MEI1: variants seen among roughly 807,000 people sequenced by gnomAD.
The protein encoded by MEI1 is meiosis inhibitor protein 1.
Under a neutral mutation model 146.2 loss-of-function variants are expected in MEI1, and 103 were observed. The observed-to-expected ratio is 0.70, with a 90% CI of 0.60 to 0.83. MEI1 has a LOEUF of 0.83. MEI1 is among the 40% of genes least tolerant of loss of function. The pLI is 0.00. For synonymous variants in MEI1, 652 were observed against 628.2 expected, an observed-to-expected ratio of 1.04 and a Z score of -0.57; for missense variants, 1,529 against 1,533.0, an observed-to-expected ratio of 1.00 and a Z score of 0.04.
At chr22:41,703,708 G>A (rs1407275303) in intron 2 of MEI1, among the ~76,000 whole-genome samples, 1 of 152,214 alleles carries the variant, frequency 6.6e-6, no homozygotes, top group African/African-American at 2.4e-5. Flanking sequence ...TGTTGGCCGG[G>A]CGTGGTGGCT....
At chr22:41,720,676 A>G (rs1014562185) in intron 6 of MEI1, among the ~76,000 whole-genome samples, 2 of 150,786 alleles carry the variant, frequency 1.3e-5, no homozygotes, top group African/African-American at 4.9e-5. Flanking sequence ...AGCTCACTGC[A>G]AGCTCCACCT....
chr22:41,724,757 C>G (rs1349280777), intron 7 of MEI1, among the ~76,000 whole-genome samples: 1 of 152,032 alleles, frequency 6.6e-6, no homozygotes, highest in African/African-American at 2.4e-5. Flanking sequence ...TGCCACTACA[C>G]TCCAGCCTGG....
intron 18 of MEI1, among the ~76,000 whole-genome samples, chr22:41,759,866 C>G (rs1221246790): frequency 1.3e-5 from 2 of 151,874 alleles, no homozygotes; most frequent in Non-Finnish European, 2.9e-5. Flanking sequence ...ACTGTTCTTT[C>G]TTAAGCCGTA....
intron 20 of MEI1, among the ~76,000 whole-genome samples, chr22:41,772,877 A>C (rs6002476): frequency 0.19 from 29,638 of 152,064 alleles, 7,788 homozygotes; most frequent in African/African-American, 0.6. Context: ...GCTCATACCC[A>C]TGAAGTCAAC....
rs987256658 is a variant in MEI1, at chr22:41,782,546, T to C, written c.3087+701T>C. 3.3e-5 allele frequency among the ~76,000 whole-genome samples: 5 copies of C among 152,308 alleles called. No individual in the cohort carries two copies. In the South Asian group the frequency reaches 8.3e-4, roughly 25 times the overall value. On this transcript the variant is annotated intron_variant, in intron 24 of 30. Transcript: ENST00000401548. ...GAGCTCCTCTGTGGGCTACTTCTCATGGAAACCATCTGCTAGCCTCTGTGG... is the reference window on the plus strand; with the variant it reads ...GAGCTCCTCTGTGGGCTACTTCTCACGGAAACCATCTGCTAGCCTCTGTGG...
intron 26 of MEI1, among the ~76,000 whole-genome samples, chr22:41,790,192 C>T (rs2076127923): frequency 1.3e-5 from 2 of 152,082 alleles, no homozygotes; most frequent in African/African-American, 2.4e-5. Flanking sequence ...AAGAGATTCT[C>T]GTGCCTCAGC....
chr22:41,716,686 CTTTTT>C (rs55994680), intron 5 of MEI1, among the ~76,000 whole-genome samples: 2 of 108,122 alleles, frequency 1.8e-5, no homozygotes, highest in African/African-American at 3.7e-5. Context: ...TCCATTCATT[CTTTTT>C]TTTTTTTTTT....
intron 6 of MEI1, among the ~76,000 whole-genome samples, chr22:41,720,964 A>G (rs888534589): frequency 6.6e-6 from 1 of 150,386 alleles, no homozygotes; most frequent in African/African-American, 2.4e-5. Context: ...TTTTTTAAGT[A>G]GAGACGGGGT....
At chr22:41,738,166 T>C (rs982083250) in intron 11 of MEI1, among the ~76,000 whole-genome samples, 1 of 151,050 alleles carries the variant, frequency 6.6e-6, no homozygotes, top group African/African-American at 2.4e-5. Context: ...CAATATAAAA[T>C]AAAATAGGCC....
intron 20 of MEI1, among the ~76,000 whole-genome samples, chr22:41,773,716 A>T (rs2075304476): frequency 6.6e-6 from 1 of 152,102 alleles, no homozygotes; most frequent in South Asian, 2.1e-4. Flanking sequence ...TCTACTAAAA[A>T]TACAAAAAAT....
chr22:41,781,458 C>T, intron 23 of MEI1, 64 bp downstream of exon 23: 2 of 1,367,624 alleles, frequency 1.5e-6, no homozygotes, highest in South Asian at 2.5e-5. Flanking sequence ...TGTATCTCAA[C>T]TTTTTCATCT....
chr22:41,729,783 G>A lies in MEI1; in HGVS notation c.979+4G>A, dbSNP rs752598918. 9 of 1,592,830 alleles carry A rather than the reference G, an allele frequency of 5.7e-6. No individual in the cohort carries two copies. Among genetic ancestry groups the A allele is most frequent in the Non-Finnish European group, 6.8e-6 (8 of 1,168,596 alleles). ...TTCATCCACGCTGACATCCCAGGTA[G>A]GGGAACACTTCTAACCTTCTCCTCC... On this transcript the variant is annotated splice_donor_region_variant and intron_variant, in intron 8 of 30. Transcript: ENST00000401548.
intron 13 of MEI1, 58 bp downstream of exon 13, chr22:41,745,122 C>A: frequency 8.2e-7 from 1 of 1,213,058 alleles, no homozygotes; most frequent in Non-Finnish European, 1.1e-6. Flanking sequence ...GGAAGGGATT[C>A]AGACAATGGG....
rs1026578873 is a variant in MEI1, at chr22:41,754,833, G to T, written c.1951+787G>T. ...TGCTGTCATAAATTGAAACAGGCAG[G>T]CAATAAGCAAATGCATACTATGTCA... is the stretch of plus-strand genomic sequence containing the variant. On this transcript the variant is annotated intron_variant, in intron 17 of 30. Coordinates refer to ENST00000401548, the MANE Select transcript of MEI1 (RefSeq NM_152513.4). Among the ~76,000 whole-genome samples, 4 of 152,206 alleles carry T rather than the reference G, an allele frequency of 2.6e-5. 1 individual carries two copies. Among genetic ancestry groups the T allele is most frequent in the Admixed American group, 2.6e-4 (4 of 15,268 alleles).
intron 2 of MEI1, among the ~76,000 whole-genome samples, chr22:41,704,786 C>G (rs2068960519): frequency 6.6e-6 from 1 of 152,072 alleles, no homozygotes; most frequent in African/African-American, 2.4e-5. Context: ...ATGATCTTGG[C>G]TCACTTCAAG....
chr22:41,735,671 T>C (rs893612682), intron 11 of MEI1, among the ~76,000 whole-genome samples: 1 of 152,242 alleles, frequency 6.6e-6, no homozygotes, highest in African/African-American at 2.4e-5. Context: ...GTATTTTCTC[T>C]GTTGTTTTGA....
intron 15 of MEI1, 59 bp from the exon 16 acceptor site, chr22:41,752,532 G>A (rs2073828513): frequency 1.4e-6 from 2 of 1,455,700 alleles, no homozygotes; most frequent in African/African-American, 2.8e-5. Context: ...CCAGGCTTGG[G>A]ACTCTCTGTG....
intron 8 of MEI1, among the ~76,000 whole-genome samples, chr22:41,730,226 G>A (rs139203544): frequency 5.3e-5 from 8 of 152,224 alleles, no homozygotes; most frequent in East Asian, 1.9e-4. Context: ...CTTCATCCAC[G>A]CCACTGCCCA....
At chr22:41,756,176 G>C (rs983921455) in intron 17 of MEI1, among the ~76,000 whole-genome samples, 5 of 152,292 alleles carry the variant, frequency 3.3e-5, no homozygotes, top group Admixed American at 1.3e-4. Context: ...GTCTCAGTCT[G>C]TTGCCCAGGC....
Sources: allele counts gnomAD v4.1 joint callset (sites outside exome capture counted in the v4.1 genomes callset), GRCh38; gene constraint gnomAD v4.1.1; transcripts MANE v1.5; gene names NCBI Gene and HGNC (gene_info 2026-07-23, HGNC 2026-07-21).